Variants in TPTE2 observed in about 807,000 individuals in gnomAD.
TPTE2 encodes phosphatidylinositol 3,4,5-trisphosphate 3-phosphatase TPTE2.
In TPTE2, 53 loss-of-function variants were observed where a neutral mutation model predicts 78.6. The ratio of observed to expected loss-of-function variants is 0.67; its 90% CI spans 0.54 to 0.85. TPTE2 has a LOEUF of 0.85. Among genes scored for constraint, TPTE2 ranks in the 40% least tolerant of loss-of-function variants. TPTE2 has a pLI of 0.00. For synonymous variants in TPTE2, 175 were observed against 206.2 expected (o/e 0.85, Z 1.30); for missense variants, 461 against 623.0 (o/e 0.74, Z 2.77).
At chr13:19,503,942 G>A (rs148097452), upstream of TPTE2, among the ~76,000 whole-genome samples, 3,214 of 151,096 alleles carry the variant, frequency 0.021, 124 homozygotes, top group African/African-American at 0.074. Flanking sequence ...GGGTTTCACC[G>A]TGTTAGCCAG....
rs1486539038 is a variant in TPTE2 at position 19,469,642 on chromosome 13, C to T, written c.393-2298G>A. ...TATGGACATTTTAACAATATTGATT[C>T]TTCCAATCCATGAAATGGAATCTCT... On this transcript the variant is annotated intron_variant, in intron 6 of 19. Coordinates refer to ENST00000400230, the Ensembl canonical transcript of TPTE2. 2.0e-5 allele frequency among the ~76,000 whole-genome samples: 3 copies of T among 152,086 alleles called. No individual in the cohort carries two copies. In the East Asian group the frequency reaches 5.8e-4, roughly 29 times the overall value.
intron 1 of TPTE2, among the ~76,000 whole-genome samples, chr13:19,531,563 C>T (rs552371740): frequency 1.3e-5 from 2 of 151,402 alleles, no homozygotes; most frequent in East Asian, 3.9e-4. Context: ...TCAGTTTGGT[C>T]TATTTTTACA....
chr13:19,451,835 G>T (rs976149917), intron 10 of TPTE2, among the ~76,000 whole-genome samples: 49 of 122,976 alleles, frequency 4.0e-4, no homozygotes, highest in Non-Finnish European at 6.1e-4. Flanking sequence ...GTGTGTGTGT[G>T]TGTGTGTGTA....
At chr13:19,528,823 T>C (rs903058284) in intron 1 of TPTE2, among the ~76,000 whole-genome samples, 36 of 152,168 alleles carry the variant, frequency 2.4e-4, no homozygotes, top group Admixed American at 2.0e-3. Flanking sequence ...GCTTCCCCAG[T>C]AAAAGCTCAG....
rs530319551 is a variant in TPTE2 at position 19,470,070 on chromosome 13, C to A, written c.393-2726G>T. 4.6e-5 allele frequency among the ~76,000 whole-genome samples: 7 copies of A among 152,208 alleles called. No homozygotes were observed. The East Asian group carries it at 1.4e-3, about 29-fold the overall frequency. On this transcript the variant is annotated intron_variant, in intron 6 of 19. Coordinates refer to ENST00000400230, the Ensembl canonical transcript of TPTE2. Reference sequence around the variant, plus strand: ...CTAGGACTTCCGGTACTATGTTGAACAACAGTGGTAAAAGTGGGCATCCTC... The same window carrying A: ...CTAGGACTTCCGGTACTATGTTGAAAAACAGTGGTAAAAGTGGGCATCCTC...
the TPTE2 span, among the ~76,000 whole-genome samples, chr13:19,555,627 T>C: frequency 1.3e-5 from 2 of 152,104 alleles, no homozygotes; most frequent in African/African-American, 4.8e-5. Flanking sequence ...AGTATAATCA[T>C]TTGATACTGT....
intron 1 of TPTE2, among the ~76,000 whole-genome samples, chr13:19,528,253 G>A (rs1870637896): frequency 1.3e-5 from 2 of 152,052 alleles, no homozygotes; most frequent in Non-Finnish European, 2.9e-5. Flanking sequence ...TGGGCGTGGT[G>A]ACAGACACCT....
At chr13:19,553,208 C>T in the TPTE2 span, among the ~76,000 whole-genome samples, 2 of 152,162 alleles carry the variant, frequency 1.3e-5, no homozygotes, top group Non-Finnish European at 2.9e-5. Context: ...ATCCTCACAA[C>T]CAACCCTATG....
intron 5 of TPTE2, among the ~76,000 whole-genome samples, 180 bp downstream of exon 8, chr13:19,475,393 T>A (rs1879874173): frequency 1.3e-5 from 2 of 152,156 alleles, no homozygotes; most frequent in Admixed American, 1.3e-4. Context: ...GCTTGGCTAA[T>A]TTTTGTATTT....
At chr13:19,494,284 G>A (rs1881179964) in intron 1 of TPTE2, among the ~76,000 whole-genome samples, 1 of 152,194 alleles carries the variant, frequency 6.6e-6, no homozygotes, top group South Asian at 2.1e-4. Flanking sequence ...GATACAGTGA[G>A]ATGATAAAGA....
chr13:19,450,648 T>C (rs1263841145), intron 11 of TPTE2, among the ~76,000 whole-genome samples: 1 of 152,186 alleles, frequency 6.6e-6, no homozygotes, highest in Non-Finnish European at 1.5e-5. Context: ...GAGGCAAATG[T>C]AGCTGACCAA....
At chr13:19,547,720 C>CATACATACATAT in the TPTE2 span, among the ~76,000 whole-genome samples, 1 of 118,848 alleles carries the variant, frequency 8.4e-6, no homozygotes, top group African/African-American at 2.7e-5. Context: ...AATAAATATA[C>CATACATACATAT]ATATATATAT....
chr13:19,515,155 C>T (rs998434227), intron 1 of TPTE2, among the ~76,000 whole-genome samples: 2 of 152,092 alleles, frequency 1.3e-5, no homozygotes, highest in African/African-American at 4.8e-5. Context: ...TAATACACTC[C>T]CAAGACTCAA....
chr13:19,453,514 GAT>G (rs201656362), intron 10 of TPTE2, among the ~76,000 whole-genome samples: 1 of 129,096 alleles, frequency 7.7e-6, no homozygotes. Flanking sequence ...CCTAAAAAAT[GAT>G]ATATATATAT....
At chr13:19,552,344 T>A in the TPTE2 span, among the ~76,000 whole-genome samples, 1 of 152,206 alleles carries the variant, frequency 6.6e-6, no homozygotes, top group Admixed American at 6.5e-5. Context: ...TTCATGATGC[T>A]TTTTTGCCAT....
intron 1 of TPTE2, among the ~76,000 whole-genome samples, chr13:19,511,761 G>T (rs1240058596): frequency 6.6e-6 from 1 of 151,944 alleles, no homozygotes; most frequent in African/African-American, 2.4e-5. Context: ...AATAATGTAA[G>T]AATTTATAAG....
At chr13:19,522,468 A>G (rs554688016) in intron 1 of TPTE2, among the ~76,000 whole-genome samples, 1 of 152,208 alleles carries the variant, frequency 6.6e-6, no homozygotes, top group Non-Finnish European at 1.5e-5. Context: ...TTACAGCTAC[A>G]GTGCATGATA....
chr13:19,459,703 G>A (rs1220375291), intron 10 of TPTE2, among the ~76,000 whole-genome samples: 7 of 152,170 alleles, frequency 4.6e-5, no homozygotes, highest in African/African-American at 9.7e-5. Flanking sequence ...TAAAGCCCCC[G>A]CGGGGATTCC....
exon 7 of TPTE2, chr13:19,467,235 T>G: frequency 6.3e-7 from 1 of 1,584,388 alleles, no homozygotes; most frequent in South Asian, 1.2e-5. Context: ...CTGGGAATAT[T>G]CCTAAGCAAC....
Sources: allele counts gnomAD v4.1 joint callset (sites outside exome capture counted in the v4.1 genomes callset), GRCh38; gene constraint gnomAD v4.1.1; transcripts MANE v1.5; gene names NCBI Gene and HGNC (gene_info 2026-07-23, HGNC 2026-07-21).